Variants in COG3 observed in about 807,000 individuals in gnomAD.
COG3 encodes component of oligomeric golgi complex 3, also known as conserved oligomeric Golgi complex subunit 3.
In COG3, 32 loss-of-function variants were observed where a neutral mutation model predicts 114.1. The ratio of observed to expected loss-of-function variants is 0.28; its 90% confidence interval spans 0.21 to 0.38. The LOEUF (loss-of-function observed/expected upper bound fraction) is 0.38, where lower values mean the gene tolerates loss of function less well. COG3 is among the 10% of genes least tolerant of loss of function. COG3 has a pLI of 1.00. For synonymous variants in COG3, 352 were observed against 365.7 expected (o/e 0.96, Z 0.43); for missense variants, 813 against 973.2 (o/e 0.84, Z 2.19).
intron 7 of COG3, among the ~76,000 whole-genome samples, chr13:45,485,142 G>A (rs1332076120): frequency 6.8e-6 from 1 of 147,894 alleles, no homozygotes; most frequent in African/African-American, 2.5e-5. Flanking sequence ...GGCGGTGGCC[G>A]GGCAGAGGGG....
At chr13:45,472,877 C>T (rs943502808) in intron 1 of COG3, among the ~76,000 whole-genome samples, 1 of 152,096 alleles carries the variant, frequency 6.6e-6, no homozygotes, top group Non-Finnish European at 1.5e-5. Context: ...GTTGTTTTCT[C>T]TCTTTTTTTT....
Position 45,476,339 on chromosome 13 carries a change from G to T in COG3, c.313G>T (p.Ala105Ser). ...AATGGAAGAAGAAAGAATTGAAACC[G>T]CACAGCAGGTGAATTGCAGTATCTT... ...LGMEEERIETAQQFFSWFAKL... is the reference protein window; with the variant it reads ...LGMEEERIETSQQFFSWFAKL... The change falls in exon 2 of 23, where the codon GCA becomes TCA. Residue 105 changes from alanine (A) to serine (S), a missense_variant. Physicochemically the swap from Ala to Ser is moderately conservative, Grantham distance 99 (BLOSUM62 1). Around this residue, in one of 2 missense-constraint regions of COG3, gnomAD observed 424 missense variants for 430.6 expected, o/e 0.98. Transcript: ENST00000349995. 1 of 1,612,638 alleles carries T rather than the reference G, an allele frequency of 6.2e-7. No individual in the cohort carries two copies. The highest frequency in any genetic ancestry group is 8.5e-7 in the Non-Finnish European group (1 of 1,179,092).
intron 17 of COG3, among the ~76,000 whole-genome samples, chr13:45,516,811 C>G (rs916770387): frequency 1.3e-5 from 2 of 152,026 alleles, no homozygotes; most frequent in Admixed American, 6.6e-5. Flanking sequence ...GATACCTTCA[C>G]GAGGTTATCA....
Position 45,516,191 on chromosome 13 carries a change from C to G in COG3, c.1858C>G (p.Arg620Gly), listed in dbSNP as rs747042102. The G allele has an allele frequency of 1.2e-6, 2 of 1,600,334 alleles. No homozygotes were observed. The highest frequency in any genetic ancestry group is 2.7e-5 in the African/African-American group (2 of 74,906). Residue 620 changes from arginine (R) to glycine (G), a missense_variant, in exon 17 of 23, where the codon CGT becomes GGT. Coordinates refer to ENST00000349995, the MANE Select transcript of COG3 (RefSeq NM_031431.4). Reference sequence around the variant, plus strand: ...CTTAATTAAGCACCTTTTGATACTTCGTGAACAAATTGCTCCATTTCACAC... The same window carrying G: ...CTTAATTAAGCACCTTTTGATACTTGGTGAACAAATTGCTCCATTTCACAC... ...LFLIKHLLIL[R>G]EQIAPFHTEF... is the part of the protein sequence containing the mutation.
At chr13:45,500,390 T>C (rs1465742492) in intron 13 of COG3, among the ~76,000 whole-genome samples, 1 of 152,188 alleles carries the variant, frequency 6.6e-6, no homozygotes, top group East Asian at 1.9e-4. Context: ...ATAATTTCTT[T>C]CTAAGTGTAT....
chr13:45,476,770 A>G (rs926009039), intron 2 of COG3, among the ~76,000 whole-genome samples: 1 of 152,174 alleles, frequency 6.6e-6, no homozygotes, highest in Non-Finnish European at 1.5e-5. Context: ...GTAATTTAGC[A>G]TGTGTAATTT....
chr13:45,484,753 C>T lies in COG3; in HGVS notation c.843+1398C>T, dbSNP rs1487558647. On this transcript the variant is annotated intron_variant, in intron 7 of 22. Transcript: ENST00000349995. ...CTAGGCAGAGGACCCTGCGGCCTTC[C>T]GCAGTGTTTGTGTCCCTGGTTACTT... Among the ~76,000 whole-genome samples, 11 of 142,046 alleles carry T rather than the reference C, an allele frequency of 7.7e-5. No homozygotes were observed. The East Asian group carries it at 1.0e-3, about 13-fold the overall frequency. 93.2% of individuals were successfully genotyped at this position (142,046 alleles called of 152,430 possible).
chr13:45,467,806 A>G (rs1885241620), intron 1 of COG3, among the ~76,000 whole-genome samples: 1 of 152,218 alleles, frequency 6.6e-6, no homozygotes, highest in African/African-American at 2.4e-5. Context: ...ATTTTGTCCA[A>G]TCAGTATAAC....
intron 14 of COG3, 113 bp from the exon 15 acceptor site, chr13:45,509,579 C>T: frequency 7.5e-7 from 1 of 1,336,272 alleles, no homozygotes; most frequent in Non-Finnish European, 1.0e-6. Context: ...AAATTGGTGC[C>T]CTCTAGCTAC....
chr13:45,469,387 T>G (rs1885336668), intron 1 of COG3, among the ~76,000 whole-genome samples: 1 of 152,162 alleles, frequency 6.6e-6, no homozygotes. Flanking sequence ...CCCTTTGAAA[T>G]GACAGTAATA....
chr13:45,491,281 A>T, intron 9 of COG3, 131 bp from the exon 10 acceptor site: 1 of 803,968 alleles, frequency 1.2e-6, no homozygotes, highest in South Asian at 2.0e-5. Flanking sequence ...AGTATTAAAT[A>T]GTTAATGTGG....
rs758413948 is a variant in COG3 at position 45,482,453 on chromosome 13, A to G, written c.697A>G (p.Ile233Val). 6.6e-6 allele frequency: 10 copies of G among 1,520,474 alleles called. No homozygotes were observed. The East Asian group carries it at 1.6e-4, about 24-fold the overall frequency. The allele number at this position is 1,520,474 out of a possible 1,614,324, so 94.2% of individuals were successfully genotyped here. Residue 233 changes from isoleucine (I) to valine (V), a missense_variant, in exon 6 of 23, where the codon ATA becomes GTA. Physicochemically the swap from Ile to Val is conservative, Grantham distance 29. This residue lies in a region of COG3 where 424 missense variants were observed against 430.6 expected (regional missense o/e 0.98). Coordinates refer to ENST00000349995, the MANE Select transcript of COG3 (RefSeq NM_031431.4). Reference sequence around the variant, plus strand: ...TATGCTGGCCAAGTTAGATGATTGTATAACATATATCTCATCTCATGTAAG... The same window carrying G: ...TATGCTGGCCAAGTTAGATGATTGTGTAACATATATCTCATCTCATGTAAG... ...IPMLAKLDDC[I>V]TYISSHPNFK... is the part of the protein sequence containing the mutation.
At chr13:45,496,534 A>G (rs2137840981) in intron 13 of COG3, among the ~76,000 whole-genome samples, 1 of 151,542 alleles carries the variant, frequency 6.6e-6, no homozygotes, top group African/African-American at 2.4e-5. Context: ...GTTTTTTACT[A>G]GTTAAAATGG....
intron 7 of COG3, among the ~76,000 whole-genome samples, chr13:45,485,222 G>T (rs1886529561): frequency 8.0e-6 from 1 of 125,704 alleles, no homozygotes; most frequent in Admixed American, 7.7e-5. Flanking sequence ...GGCTGGCCGG[G>T]CAGGGGGGCT....
At position 45,477,631 on chromosome 13, in the gene COG3, C is replaced by CTT. The variant is rs11408688; in HGVS notation, c.321+1297_321+1298dup. Among the ~76,000 whole-genome samples the CTT allele has an allele frequency of 3.0e-3, 422 of 143,000 alleles. 1 individual carries two copies. The highest frequency in any genetic ancestry group is 9.8e-3 in the African/African-American group (379 of 38,814). The allele number at this position is 143,000 out of a possible 152,430, so 93.8% of individuals were successfully genotyped here. On this transcript the variant is annotated intron_variant, in intron 2 of 22. Transcript: ENST00000349995. ...TAGCTGATACCAGAGTCCATATTCTCTTTTTTTTTTTTTTGAGATGGAGTC... is the reference window on the plus strand; with the variant it reads ...TAGCTGATACCAGAGTCCATATTCTCTTTTTTTTTTTTTTTTGAGATGGAGTC...
chr13:45,513,959 AT>A (rs1399046436), intron 16 of COG3, among the ~76,000 whole-genome samples: 3 of 152,128 alleles, frequency 2.0e-5, no homozygotes, highest in Non-Finnish European at 4.4e-5. Flanking sequence ...TGGTATGACT[AT>A]GTAATAAAAT....
Position 45,486,339 on chromosome 13 carries a change from CG to C in COG3, c.844-153del, listed in dbSNP as rs762515259. Among the ~76,000 whole-genome samples, 172 of 55,234 alleles carry C rather than the reference CG, an allele frequency of 3.1e-3. 15 individuals are homozygous for C. The highest frequency in any genetic ancestry group is 0.013 in the Admixed American group (76 of 5,876). 36.2% of individuals were successfully genotyped at this position (55,234 alleles called of 152,430 possible). A position where few individuals can be genotyped will look rare whatever the true frequency, so the allele number is the denominator to read the frequency against. On this transcript the variant is annotated intron_variant, in intron 7 of 22. Transcript: ENST00000349995. ...GAGACGGGAGACGGGAGACGGGAGACGGGAGAGGGAGAGGGAGAGGGAGAGG... is the reference window on the plus strand; with the variant it reads ...GAGACGGGAGACGGGAGACGGGAGACGGAGAGGGAGAGGGAGAGGGAGAGG...
In COG3 at chr13:45,496,173, C is replaced by G; in HGVS notation, c.1349C>G (p.Ala450Gly). 1 of 1,608,674 alleles carries G rather than the reference C, an allele frequency of 6.2e-7. No individual in the cohort carries two copies. Among genetic ancestry groups the G allele is most frequent in the Non-Finnish European group, 8.5e-7 (1 of 1,176,656 alleles). ...TCAGCTGAGCAACTGGGGGCATTTGCAGCTGGAGTCAAGCAGATGTTAGAA... is the reference window on the plus strand; with the variant it reads ...TCAGCTGAGCAACTGGGGGCATTTGGAGCTGGAGTCAAGCAGATGTTAGAA... ...QNNAEQLGAF[A>G]AGVKQMLEDV... The change falls in exon 13 of 23, where the codon GCA (alanine) becomes GGA (glycine). Residue 450 changes from alanine (A) to glycine (G), a missense_variant. Transcript: ENST00000349995.
intron 17 of COG3, 83 bp downstream of exon 17, chr13:45,516,346 T>A: frequency 8.3e-7 from 1 of 1,210,450 alleles, no homozygotes; most frequent in Non-Finnish European, 1.1e-6. Flanking sequence ...TTATTTTATG[T>A]TCATCTGCAA....
Sources: gnomAD v4.1 joint callset for allele counts (sites outside exome capture counted in the v4.1 genomes callset) on GRCh38, gnomAD v4.1.1 for gene constraint, gnomAD v4.1.1 regional missense constraint, MANE v1.5 for transcripts, NCBI Gene and HGNC (gene_info 2026-07-23, HGNC 2026-07-21) for gene names.